Variants in GALNT13 observed in about 807,000 individuals in gnomAD.
The protein encoded by GALNT13 is UDP-GalNAc:polypeptide N-acetylgalactosaminyltransferase 13.
GALNT13 carries 28 observed loss-of-function variants against 64.2 expected under a neutral mutation model. That is an observed-to-expected ratio of 0.44 (90% CI 0.32 to 0.60). The LOEUF (loss-of-function observed/expected upper bound fraction) is 0.60. Among genes scored for constraint, GALNT13 ranks in the 20% least tolerant of loss-of-function variants. The probability of loss-of-function intolerance (pLI) is 0.05; values close to 1 mark genes in which losing one functional copy is unlikely to be tolerated. For synonymous variants in GALNT13, 214 were observed against 224.6 expected (o/e 0.95, Z 0.42); for missense variants, 577 against 669.8 (o/e 0.86, Z 1.53).
the GALNT13 span, among the ~76,000 whole-genome samples, chr2:153,196,173 T>G: frequency 6.6e-6 from 1 of 151,924 alleles, no homozygotes; most frequent in Non-Finnish European, 1.5e-5. Flanking sequence ...AGCGCAAACC[T>G]GAAGGTGGGG....
chr2:154,003,571 A>G (rs1185616670), intron 3 of GALNT13, among the ~76,000 whole-genome samples: 2 of 151,842 alleles, frequency 1.3e-5, no homozygotes, highest in Non-Finnish European at 2.9e-5. Flanking sequence ...CACTCCTCTT[A>G]ATTTTCTTTT....
the GALNT13 span, among the ~76,000 whole-genome samples, chr2:153,309,431 T>G: frequency 6.6e-6 from 1 of 152,156 alleles, no homozygotes; most frequent in Non-Finnish European, 1.5e-5. Context: ...AATAGAACAT[T>G]GCTATGCTCC....
chr2:153,265,938 T>G, the GALNT13 span, among the ~76,000 whole-genome samples: 1 of 152,244 alleles, frequency 6.6e-6, no homozygotes, highest in African/African-American at 2.4e-5. Flanking sequence ...GGTAAAATGC[T>G]ACTAAAAAGC....
chr2:153,608,247 A>G, the GALNT13 span, among the ~76,000 whole-genome samples: 12 of 152,202 alleles, frequency 7.9e-5, no homozygotes, highest in Non-Finnish European at 1.3e-4. Context: ...ATCTGATACG[A>G]TAACGTATTT....
chr2:153,881,706 T>G (rs1686796577), intron 1 of GALNT13, among the ~76,000 whole-genome samples: 1 of 152,176 alleles, frequency 6.6e-6, no homozygotes, highest in Admixed American at 6.6e-5. Context: ...TATTTGCAAA[T>G]ATCTCAAATA....
chr2:153,831,944 G>C, the GALNT13 span, among the ~76,000 whole-genome samples: 1 of 152,158 alleles, frequency 6.6e-6, no homozygotes, highest in African/African-American at 2.4e-5. Flanking sequence ...GTTTGTGTGT[G>C]TGGGCTAGCT....
chr2:153,427,462 A>C, the GALNT13 span, among the ~76,000 whole-genome samples: 1 of 152,106 alleles, frequency 6.6e-6, no homozygotes, highest in African/African-American at 2.4e-5. Flanking sequence ...GAATAGAAGG[A>C]AGGGGAAAAA....
chr2:153,952,394 C>T (rs1692257073), intron 3 of GALNT13, among the ~76,000 whole-genome samples: 1 of 151,152 alleles, frequency 6.6e-6, no homozygotes, highest in African/African-American at 2.4e-5. Context: ...TAAAATCATG[C>T]CAGTCTGAAG....
At chr2:154,393,841 G>A (rs529615760) in intron 9 of GALNT13, among the ~76,000 whole-genome samples, 70 of 151,880 alleles carry the variant, frequency 4.6e-4, no homozygotes, top group Non-Finnish European at 9.0e-4. Flanking sequence ...CACTTTGGGA[G>A]GCCGAGGCGG....
the GALNT13 span, among the ~76,000 whole-genome samples, chr2:153,596,914 G>C: frequency 1.3e-5 from 2 of 151,806 alleles, no homozygotes; most frequent in African/African-American, 4.8e-5. Flanking sequence ...AAATTATGTA[G>C]GAAGACTAAA....
At chr2:153,234,109 C>T in the GALNT13 span, among the ~76,000 whole-genome samples, 1 of 152,062 alleles carries the variant, frequency 6.6e-6, no homozygotes, top group Non-Finnish European at 1.5e-5. Flanking sequence ...AATTTGAAAA[C>T]CTCTATTTTG....
At chr2:154,249,487 C>T (rs1332621168) in intron 7 of GALNT13, among the ~76,000 whole-genome samples, 1 of 152,058 alleles carries the variant, frequency 6.6e-6, no homozygotes, top group African/African-American at 2.4e-5. Flanking sequence ...TTAATTATGC[C>T]CTGTAAGTGA....
chr2:154,202,441 C>A (rs1446811894), intron 4 of GALNT13, among the ~76,000 whole-genome samples: 1 of 152,010 alleles, frequency 6.6e-6, no homozygotes, highest in Non-Finnish European at 1.5e-5. Context: ...TTTTTTAAGG[C>A]ACATATTCTT....
the GALNT13 span, among the ~76,000 whole-genome samples, chr2:153,675,196 G>A: frequency 1.3e-5 from 2 of 152,308 alleles, no homozygotes; most frequent in Admixed American, 6.5e-5. Context: ...CCATTACTGG[G>A]TATATACCCA....
At chr2:153,244,874 C>T in the GALNT13 span, among the ~76,000 whole-genome samples, 1 of 152,204 alleles carries the variant, frequency 6.6e-6, no homozygotes. Context: ...AGCTAAGAAC[C>T]ACTGGCTTGA....
chr2:153,810,512 T>C, the GALNT13 span, among the ~76,000 whole-genome samples: 6 of 152,228 alleles, frequency 3.9e-5, no homozygotes, highest in Non-Finnish European at 5.9e-5. Flanking sequence ...ATCAACTTTA[T>C]TTTCTTGCTT....
At chr2:153,446,549 G>A in the GALNT13 span, among the ~76,000 whole-genome samples, 10 of 152,146 alleles carry the variant, frequency 6.6e-5, no homozygotes, top group African/African-American at 2.4e-4. Flanking sequence ...TTTGGAAGCA[G>A]CAGCTCTGAA....
At chr2:154,352,204 C>A (rs1265172315) in intron 9 of GALNT13, among the ~76,000 whole-genome samples, 1 of 152,128 alleles carries the variant, frequency 6.6e-6, no homozygotes, top group Non-Finnish European at 1.5e-5. Flanking sequence ...CTGCCTCAAT[C>A]CCATTTCTTT....
chr2:154,041,860 C>T, intron 3 of GALNT13, among the ~76,000 whole-genome samples: 1 of 139,942 alleles, frequency 7.1e-6, no homozygotes, highest in East Asian at 2.0e-4. Context: ...GATTTTACTG[C>T]TCTTTCTTCT....
Sources: gnomAD v4.1 joint callset for allele counts (sites outside exome capture counted in the v4.1 genomes callset) on GRCh38, gnomAD v4.1.1 for gene constraint, MANE v1.5 for transcripts, NCBI Gene and HGNC (gene_info 2026-07-23, HGNC 2026-07-21) for gene names.